The following AGAP1 variants were observed in gnomAD, a reference collection of about 807,000 sequenced individuals.
The protein encoded by AGAP1 is ArfGAP with GTPase domain, ankyrin repeat and PH domain 1.
A neutral mutation model predicts 105.3 loss-of-function variants in AGAP1; 29 were observed. That is an observed-to-expected ratio of 0.28 (90% CI 0.21 to 0.38). AGAP1 has a LOEUF of 0.38. AGAP1 is among the 10% of genes least tolerant of loss of function. The pLI is 1.00. For missense variants in AGAP1, 998 were observed against 1,165.1 expected (o/e 0.86, Z 2.09); for synonymous variants, 509 against 485.9 (o/e 1.05, Z -0.63).
In AGAP1 at chr2:236,090,238, T is replaced by C. The variant is rs1443044381; in HGVS notation, c.2115-29954T>C. Among the ~76,000 whole-genome samples the C allele has an allele frequency of 1.3e-5, 2 of 152,176 alleles. No individual in the cohort carries two copies. Among genetic ancestry groups the C allele is most frequent in the Non-Finnish European group, 2.9e-5 (2 of 68,032 alleles). On this transcript the variant is annotated intron_variant, in intron 16 of 17. Transcript: ENST00000304032. The surrounding 1 kb of genome is among the most constrained non-coding windows in gnomAD (Gnocchi z 4.3). ...TTTGTGGTCGTTCGCACCCAGGACT[T>C]TGATGTTCCTACTGATATATTCAAC...
chr2:235,618,496 C>T (rs895317703), intron 1 of AGAP1, among the ~76,000 whole-genome samples: 4 of 152,022 alleles, frequency 2.6e-5, no homozygotes, highest in Middle Eastern at 3.4e-3. Context: ...TCTGGTAGAC[C>T]CATTTCACAT....
intron 1 of AGAP1, among the ~76,000 whole-genome samples, chr2:235,509,015 C>T (rs758449057): frequency 6.6e-6 from 1 of 152,208 alleles, no homozygotes; most frequent in Non-Finnish European, 1.5e-5. Flanking sequence ...GCTTCCCACT[C>T]ACTGGCATCC....
At position 236,036,718 on chromosome 2, in the gene AGAP1, G is replaced by C; in HGVS notation, c.1800+3G>C. The C allele has an allele frequency of 1.2e-6, 2 of 1,614,110 alleles. No individual in the cohort carries two copies. Among genetic ancestry groups the C allele is most frequent in the Non-Finnish European group, 1.7e-6 (2 of 1,179,996 alleles). On this transcript the variant is annotated splice_donor_region_variant and intron_variant, in intron 14 of 17. Coordinates refer to ENST00000304032, the MANE Select transcript of AGAP1 (RefSeq NM_001037131.3). This position sits in a 1 kb window ranked among gnomAD's most constrained non-coding sequence, Gnocchi z 5.7. ...CGTGCGAGAGCAGCAAGAACAAGGTGAGGCCCCTGGCTGCCCAAAACCAAG... is the reference window on the plus strand; with the variant it reads ...CGTGCGAGAGCAGCAAGAACAAGGTCAGGCCCCTGGCTGCCCAAAACCAAG...
At chr2:235,684,491 G>A (rs768847586) in intron 1 of AGAP1, among the ~76,000 whole-genome samples, 3 of 152,192 alleles carry the variant, frequency 2.0e-5, no homozygotes, top group East Asian at 1.9e-4. Flanking sequence ...TGATGGGAGC[G>A]CTGGGTGCTC....
chr2:235,756,368 A>C (rs1357444182), intron 6 of AGAP1, among the ~76,000 whole-genome samples: 1 of 152,154 alleles, frequency 6.6e-6, no homozygotes, highest in Non-Finnish European at 1.5e-5. Context: ...TGATTGTTAA[A>C]TTATGGTGTC....
At chr2:235,699,429 T>C (rs1022272289) in intron 1 of AGAP1, among the ~76,000 whole-genome samples, 1 of 152,210 alleles carries the variant, frequency 6.6e-6, no homozygotes, top group Non-Finnish European at 1.5e-5. Flanking sequence ...GAGCTCACTA[T>C]ATACTAGAAG....
At chr2:235,782,650 T>C (rs987235121) in intron 6 of AGAP1, among the ~76,000 whole-genome samples, 3 of 152,228 alleles carry the variant, frequency 2.0e-5, no homozygotes, top group Admixed American at 6.5e-5. Flanking sequence ...TAAACATTTA[T>C]GCTAGTAATA....
At chr2:235,746,806 C>G (rs967599358) in intron 5 of AGAP1, among the ~76,000 whole-genome samples, 2 of 152,070 alleles carry the variant, frequency 1.3e-5, no homozygotes, top group Admixed American at 6.5e-5. Flanking sequence ...CTTTAGGACT[C>G]AGAATGGGCT....
chr2:235,951,417 GA>G lies in AGAP1; in HGVS notation c.1484-17040del, dbSNP rs2053735813. ...TCGTGAGACAGAGTAGCATGGAACT[GA>G]AAAATGTGTAGCAGGTTTTCAAACC... On this transcript the variant is annotated intron_variant, in intron 12 of 17. Coordinates refer to ENST00000304032, the MANE Select transcript of AGAP1 (RefSeq NM_001037131.3). The surrounding 1 kb of genome is among the most constrained non-coding windows in gnomAD (Gnocchi z 4.2). Among the ~76,000 whole-genome samples, 1 of 152,244 alleles carries G rather than the reference GA, an allele frequency of 6.6e-6. No homozygotes were observed. Among genetic ancestry groups the G allele is most frequent in the East Asian group, 1.9e-4 (1 of 5,206 alleles).
rs12692179 is a variant in AGAP1, at chr2:235,792,384, C to G, written c.674-5375C>G. On this transcript the variant is annotated intron_variant, in intron 6 of 17. Coordinates refer to ENST00000304032, the MANE Select transcript of AGAP1 (RefSeq NM_001037131.3). The surrounding 1 kb of genome is among the most constrained non-coding windows in gnomAD (Gnocchi z 5.3). ...GTCCTTATCCAGTAGTACTAATGTG[C>G]GGAAATACCAGGAGTGGACAAGCCA... 0.3 allele frequency among the ~76,000 whole-genome samples: 45,012 copies of G among 151,966 alleles called. 7,375 individuals carry two copies. The highest frequency in any genetic ancestry group is 0.56 in the East Asian group (2,870 of 5,144).
intron 12 of AGAP1, among the ~76,000 whole-genome samples, chr2:235,950,872 C>T (rs1048592654): frequency 1.4e-5 from 2 of 141,682 alleles, no homozygotes; most frequent in Non-Finnish European, 3.0e-5. Flanking sequence ...AAATGTAACT[C>T]GGGATCTCCA....
chr2:235,502,733 A>G (rs1407441314), intron 1 of AGAP1, among the ~76,000 whole-genome samples: 1 of 149,178 alleles, frequency 6.7e-6, no homozygotes, highest in Non-Finnish European at 1.5e-5. Context: ...AGGGTGGGAA[A>G]ACACTTTTCA....
chr2:235,529,327 G>T (rs1942965065), intron 1 of AGAP1, among the ~76,000 whole-genome samples: 1 of 152,252 alleles, frequency 6.6e-6, no homozygotes, highest in Non-Finnish European at 1.5e-5. Flanking sequence ...CTGTTGCCAA[G>T]TATCTTATGT....
chr2:235,640,301 G>T (rs1431879064), intron 1 of AGAP1, among the ~76,000 whole-genome samples: 1 of 152,216 alleles, frequency 6.6e-6, no homozygotes, highest in Non-Finnish European at 1.5e-5. Context: ...AGTTAAAAGA[G>T]AAAATGATCT....
intron 9 of AGAP1, among the ~76,000 whole-genome samples, chr2:235,812,935 T>C (rs1485748209): frequency 6.6e-6 from 1 of 152,248 alleles, no homozygotes; most frequent in Non-Finnish European, 1.5e-5. Context: ...TGCCGTGCCC[T>C]GCAAGCTAAT....
At chr2:235,630,365 C>G (rs896585027) in intron 1 of AGAP1, among the ~76,000 whole-genome samples, 3 of 152,130 alleles carry the variant, frequency 2.0e-5, no homozygotes, top group African/African-American at 7.2e-5. Flanking sequence ...TGTGCACCAC[C>G]AAGCCCAGCT....
chr2:236,081,267 A>G (rs2058773426), intron 16 of AGAP1, among the ~76,000 whole-genome samples: 1 of 152,186 alleles, frequency 6.6e-6, no homozygotes, highest in Admixed American at 6.5e-5. Context: ...CTGTCCTGCC[A>G]CAACACTGAC....
At chr2:235,946,972 G>A (rs2053529341) in intron 12 of AGAP1, among the ~76,000 whole-genome samples, 1 of 152,100 alleles carries the variant, frequency 6.6e-6, no homozygotes, top group Admixed American at 6.5e-5. Flanking sequence ...CGTGCCACCA[G>A]TCACCTTCTG....
Position 236,049,045 on chromosome 2 carries a change from TC to T in AGAP1, c.1892-12del. Reference sequence around the variant, plus strand: ...GGTCTGATTGCGTTTAGCGTTCTGTTCCTCTTCCCGTAGATCCCAACTGGGC... The same window carrying T: ...GGTCTGATTGCGTTTAGCGTTCTGTTCTCTTCCCGTAGATCCCAACTGGGC... On this transcript the variant is annotated splice_polypyrimidine_tract_variant and intron_variant, in intron 15 of 17. Coordinates refer to ENST00000304032, the MANE Select transcript of AGAP1 (RefSeq NM_001037131.3). 6.2e-7 allele frequency: 1 copy of T among 1,610,884 alleles called. No homozygotes were observed. Among genetic ancestry groups the T allele is most frequent in the Non-Finnish European group, 8.5e-7 (1 of 1,177,568 alleles).
Sources: gnomAD v4.1 joint callset for allele counts (sites outside exome capture counted in the v4.1 genomes callset) on GRCh38, gnomAD v4.1.1 for gene constraint, Gnocchi (gnomAD v3.1) non-coding constraint, MANE v1.5 for transcripts, NCBI Gene and HGNC (gene_info 2026-07-23, HGNC 2026-07-21) for gene names.